SESN3: variants seen among roughly 807,000 people sequenced by gnomAD.
The protein encoded by SESN3 is sestrin-3.
In SESN3, 21 loss-of-function variants were observed where a neutral mutation model predicts 55.3. That is an observed-to-expected ratio of 0.38 (90% CI 0.27 to 0.55). The LOEUF is 0.55. Among genes scored for constraint, SESN3 ranks in the 20% least tolerant of loss-of-function variants. The pLI, the probability that SESN3 is intolerant of heterozygous loss-of-function variation, is 0.76. For missense variants in SESN3, 408 were observed against 604.3 expected (o/e 0.68, Z 3.41); for synonymous variants, 181 against 203.1 (o/e 0.89, Z 0.93).
intron 1 of SESN3, among the ~76,000 whole-genome samples, chr11:95,206,110 C>T (rs1197581458): frequency 6.6e-6 from 1 of 151,908 alleles, no homozygotes; most frequent in Non-Finnish European, 1.5e-5. Flanking sequence ...TTATATGATG[C>T]CTGGTATCAT....
At chr11:95,177,403 C>T (rs961975970) in intron 8 of SESN3, among the ~76,000 whole-genome samples, 1 of 152,092 alleles carries the variant, frequency 6.6e-6, no homozygotes, top group East Asian at 1.9e-4. Flanking sequence ...GGACACTACA[C>T]CTGTTTTTTT....
In SESN3 at chr11:95,185,322, G is replaced by A; in HGVS notation, c.696C>T (p.Phe232=). Residue 232 remains phenylalanine, a synonymous_variant, in exon 5 of 10, where the codon TTC becomes TTT. Transcript: ENST00000536441. ...NGFRLISVNN[F]CVCDLANDNN... ...TGTCATTAGCAAGATCACAAACGCA[G>A]AAATTGTTGACTGATATTAGCCTGA... 1 of 1,612,928 alleles carries A rather than the reference G, an allele frequency of 6.2e-7. No homozygotes were observed. Among genetic ancestry groups the A allele is most frequent in the African/African-American group, 1.3e-5 (1 of 74,692 alleles).
chr11:95,230,867 T>C lies in SESN3; in HGVS notation c.-7A>G. 6.4e-7 allele frequency: 1 copy of C among 1,571,754 alleles called. No homozygotes were observed. The highest frequency in any genetic ancestry group is 8.6e-7 in the Non-Finnish European group (1 of 1,165,370). Reference sequence around the variant, plus strand: ...TGCCGCCGCCCCGGTTCATCGTGGCTGCGGGCGCCGAGGCGAGAGCGGGCG... The same window carrying C: ...TGCCGCCGCCCCGGTTCATCGTGGCCGCGGGCGCCGAGGCGAGAGCGGGCG... On this transcript the variant is annotated 5_prime_UTR_variant, in exon 1 of 10. Transcript: ENST00000536441. The surrounding 1 kb of genome is among the most constrained non-coding windows in gnomAD (Gnocchi z 4.6).
In SESN3 at chr11:95,189,841, G is replaced by T; in HGVS notation, c.463C>A (p.Leu155Ile). 6.2e-7 allele frequency: 1 copy of T among 1,611,422 alleles called. No homozygotes were observed. The highest frequency in any genetic ancestry group is 8.5e-7 in the Non-Finnish European group (1 of 1,178,504). The change falls in exon 4 of 10, where the codon CTT becomes ATT. Residue 155 changes from leucine (L) to isoleucine (I), a missense_variant. This residue lies in a region of SESN3 where 107 missense variants were observed against 211.3 expected (regional missense o/e 0.51). Transcript: ENST00000536441. ...GCTAGCAGCTTATTAATTTCATTAAGATTTTTCAGTCTTTGTGGCACATAT... is the reference window on the plus strand; with the variant it reads ...GCTAGCAGCTTATTAATTTCATTAATATTTTTCAGTCTTTGTGGCACATAT... Reference protein sequence around the residue: ...LEYVPQRLKNLNEINKLLAHR... With the variant: ...LEYVPQRLKNINEINKLLAHR...
intron 3 of SESN3, among the ~76,000 whole-genome samples, chr11:95,190,791 C>A (rs1398347426): frequency 3.3e-5 from 5 of 151,978 alleles, no homozygotes. Flanking sequence ...TCCCCAACTT[C>A]TCCAAATATA....
intron 1 of SESN3, among the ~76,000 whole-genome samples, chr11:95,217,230 G>C (rs770837414): frequency 6.6e-6 from 1 of 152,014 alleles, no homozygotes; most frequent in Non-Finnish European, 1.5e-5. Context: ...AGATAAGAAA[G>C]GTCACCCATA....
intron 1 of SESN3, among the ~76,000 whole-genome samples, chr11:95,228,757 C>T (rs781476673): frequency 1.6e-4 from 25 of 152,094 alleles, no homozygotes; most frequent in Non-Finnish European, 2.9e-4. Flanking sequence ...CTTGGAGTTA[C>T]TAAAAACTGG....
intron 4 of SESN3, among the ~76,000 whole-genome samples, chr11:95,186,700 T>C (rs1860173484): frequency 6.6e-6 from 1 of 151,864 alleles, no homozygotes; most frequent in African/African-American, 2.4e-5. Flanking sequence ...TATCAAAATA[T>C]CACTATGTAC....
At chr11:95,184,831 A>C (rs1391000200) in intron 5 of SESN3, among the ~76,000 whole-genome samples, 2 of 152,034 alleles carry the variant, frequency 1.3e-5, no homozygotes, top group African/African-American at 4.8e-5. Context: ...GTGTGCATAA[A>C]ATCTACAATT....
chr11:95,200,346 A>C (rs1179226840), intron 1 of SESN3, among the ~76,000 whole-genome samples: 1 of 152,074 alleles, frequency 6.6e-6, no homozygotes, highest in Non-Finnish European at 1.5e-5. Context: ...CTAAAAGAAA[A>C]ATCCAAGAGA....
At chr11:95,177,042 T>C (rs989346133) in intron 8 of SESN3, among the ~76,000 whole-genome samples, 11 of 152,204 alleles carry the variant, frequency 7.2e-5, no homozygotes, top group African/African-American at 2.7e-4. Context: ...TATATCTATA[T>C]AGTCAAGTTG....
intron 6 of SESN3, among the ~76,000 whole-genome samples, chr11:95,179,926 A>G (rs1314091597): frequency 6.6e-6 from 1 of 152,184 alleles, no homozygotes; most frequent in Non-Finnish European, 1.5e-5. Context: ...TTAACAATTT[A>G]CCACTGAAAA....
chr11:95,179,450 A>C (rs923060161), intron 6 of SESN3, among the ~76,000 whole-genome samples: 7 of 152,028 alleles, frequency 4.6e-5, no homozygotes, highest in Admixed American at 2.6e-4. Context: ...TTTTGTTTTT[A>C]TCTCTCCAGG....
At chr11:95,200,715 C>G (rs965957918) in intron 1 of SESN3, among the ~76,000 whole-genome samples, 3 of 152,148 alleles carry the variant, frequency 2.0e-5, no homozygotes, top group Non-Finnish European at 4.4e-5. Context: ...AAAACCAAGG[C>G]TATCAAGTCC....
intron 1 of SESN3, among the ~76,000 whole-genome samples, chr11:95,212,857 C>T (rs1860684536): frequency 6.6e-6 from 1 of 152,146 alleles, no homozygotes; most frequent in East Asian, 1.9e-4. Context: ...TCTATTAAAC[C>T]TGTGAACATT....
chr11:95,183,059 C>T (rs905028201), intron 6 of SESN3, among the ~76,000 whole-genome samples: 4 of 152,122 alleles, frequency 2.6e-5, no homozygotes, highest in African/African-American at 9.7e-5. Flanking sequence ...TCACATTCTG[C>T]TATGAGTTAC....
chr11:95,206,135 G>A (rs1257559457), intron 1 of SESN3, among the ~76,000 whole-genome samples: 1 of 151,684 alleles, frequency 6.6e-6, no homozygotes, highest in Non-Finnish European at 1.5e-5. Flanking sequence ...TGAAAGAGAA[G>A]ATAAACCTCA....
At chr11:95,178,588 G>A in intron 7 of SESN3, 122 bp downstream of exon 7, 1 of 653,484 alleles carries the variant, frequency 1.5e-6, no homozygotes, top group South Asian at 1.9e-5. Flanking sequence ...CTGAAACTAG[G>A]TTAAATACAA....
At chr11:95,205,068 G>A (rs1256993044) in intron 1 of SESN3, among the ~76,000 whole-genome samples, 3 of 152,250 alleles carry the variant, frequency 2.0e-5, no homozygotes, top group South Asian at 2.1e-4. Flanking sequence ...GTCAGGATAC[G>A]TAGAAAAGGA....
Sources: gnomAD v4.1 joint callset for allele counts (sites outside exome capture counted in the v4.1 genomes callset) on GRCh38, gnomAD v4.1.1 for gene constraint, gnomAD v4.1.1 regional missense constraint, Gnocchi (gnomAD v3.1) non-coding constraint, MANE v1.5 for transcripts, NCBI Gene and HGNC (gene_info 2026-07-23, HGNC 2026-07-21) for gene names.